The following CCNF variants were observed in gnomAD, a reference collection of about 807,000 sequenced individuals.
CCNF encodes cyclin-F.
Under a neutral mutation model 85.4 loss-of-function variants are expected in CCNF, and 30 were observed. The ratio of observed to expected loss-of-function variants is 0.35; its 90% CI spans 0.26 to 0.48. The LOEUF is 0.48. Ranked by LOEUF, CCNF falls within the 20% of genes least tolerant of loss-of-function variation. CCNF has a pLI of 0.99. For missense variants in CCNF, 919 were observed against 1,010.4 expected (o/e 0.91, Z 1.23); for synonymous variants, 439 against 425.1 (o/e 1.03, Z -0.40).
At chr16:2,449,179 G>C in intron 11 of CCNF, 103 bp from the exon 12 acceptor site, 2 of 1,482,682 alleles carry the variant, frequency 1.3e-6, no homozygotes, top group Non-Finnish European at 1.9e-6. Context: ...TGCAGCATCG[G>C]CGTGAACATC....
intron 9 of CCNF, 40 bp downstream of exon 9, chr16:2,443,840 G>A (rs921250835): frequency 2.5e-5 from 40 of 1,588,574 alleles, no homozygotes; most frequent in South Asian, 1.1e-4. Flanking sequence ...AGAGCGGCGC[G>A]GAAGCCAGCC....
At position 2,435,021 on chromosome 16, in the gene CCNF, G is replaced by A. The variant is rs969973160; in HGVS notation, c.279-785G>A. ...TGTAATCCCAGCACTTTGGGAGGCC[G>A]AGGCGGGTGGATCATGAGATCAGAT... On this transcript the variant is annotated intron_variant, in intron 3 of 16. Transcript: ENST00000397066. 7.9e-5 allele frequency among the ~76,000 whole-genome samples: 12 copies of A among 152,030 alleles called. No homozygotes were observed. In the East Asian group the frequency reaches 1.9e-3, roughly 25 times the overall value.
At chr16:2,441,937 T>TTTTATATA (rs1491412622) in intron 8 of CCNF, among the ~76,000 whole-genome samples, 1 of 60,164 alleles carries the variant, frequency 1.7e-5, no homozygotes, top group Non-Finnish European at 2.8e-5. Context: ...TATTAGCAAA[T>TTTTATATA]TATATATATA....
Position 2,453,164 on chromosome 16 carries a change from G to A in CCNF, c.1488-46G>A. On this transcript the variant is annotated intron_variant, in intron 13 of 16. Coordinates refer to ENST00000397066, the MANE Select transcript of CCNF (RefSeq NM_001761.3). The surrounding 1 kb of genome is among the most constrained non-coding windows in gnomAD (Gnocchi z 5.6). ...CTTCAGTGAACTGAAGCTAAAAATG[G>A]GGTGGGGGTGCCTCACATGTCCACT... is the stretch of plus-strand genomic sequence containing the variant. 1 of 1,525,404 alleles carries A rather than the reference G, an allele frequency of 6.6e-7. No homozygotes were observed. Among genetic ancestry groups the A allele is most frequent in the Non-Finnish European group, 9.1e-7 (1 of 1,099,932 alleles). 94.5% of individuals were successfully genotyped at this position (1,525,404 alleles called of 1,614,324 possible). A position where few individuals can be genotyped will look rare whatever the true frequency, so the allele number is the denominator to read the frequency against.
intron 8 of CCNF, 144 bp downstream of exon 8, chr16:2,439,970 G>T: frequency 1.4e-6 from 1 of 690,962 alleles, no homozygotes; most frequent in Non-Finnish European, 2.6e-6. Context: ...CCCTAAGATC[G>T]GTTCAGCACT....
At chr16:2,439,849 C>T (rs764282881) in intron 8 of CCNF, 23 bp downstream of exon 8, 87 of 1,602,916 alleles carry the variant, frequency 5.4e-5, no homozygotes, top group Non-Finnish European at 6.8e-5. Context: ...GCTGGGATGA[C>T]GTGGGGAGCT....
intron 6 of CCNF, among the ~76,000 whole-genome samples, chr16:2,438,765 G>C (rs1253994131): frequency 1.3e-5 from 2 of 151,878 alleles, no homozygotes; most frequent in Non-Finnish European, 2.9e-5. Flanking sequence ...GGGAGGCCGA[G>C]GCGGGTGGAT....
chr16:2,436,831 G>C (rs926083083), intron 4 of CCNF: 21 of 244,680 alleles, frequency 8.6e-5, no homozygotes, highest in Middle Eastern at 1.2e-3. Context: ...TTCCCAGCTG[G>C]AGGGAGGGTG....
In CCNF at chr16:2,456,918, A is replaced by G. The variant is rs778090367; in HGVS notation, c.2259A>G (p.Pro753=). Residue 753 remains proline (P), a synonymous_variant, in exon 17 of 17, where the codon CCA becomes CCG. Transcript: ENST00000397066. This position sits in a 1 kb window ranked among gnomAD's most constrained non-coding sequence, Gnocchi z 4.5. The stretch of plus-strand genomic sequence containing the variant: ...AGTCATGTTTACAGTGTCGTCCCCC[A>G]AGTCCCCCGGAGAGCAGTGTTCCCC... ...ARKSCLQCRP[P]SPPESSVPQQ... 6 of 1,613,962 alleles carry G rather than the reference A, an allele frequency of 3.7e-6. No individual in the cohort carries two copies. Among genetic ancestry groups the G allele is most frequent in the African/African-American group, 1.3e-5 (1 of 74,896 alleles).
In CCNF at chr16:2,453,076, C is replaced by A; in HGVS notation, c.1488-134C>A. On this transcript the variant is annotated intron_variant, in intron 13 of 16. Coordinates refer to ENST00000397066, the MANE Select transcript of CCNF (RefSeq NM_001761.3). The surrounding 1 kb of genome is among the most constrained non-coding windows in gnomAD (Gnocchi z 5.6). ...AGGTCCTGTGGTGACTGAGTTTAAC[C>A]ATTCGGGGAACTGCCAGGTCAGATT... 1.4e-6 allele frequency: 1 copy of A among 736,142 alleles called. No individual in the cohort carries two copies. Among genetic ancestry groups the A allele is most frequent in the South Asian group, 1.6e-5 (1 of 61,940 alleles). 45.6% of individuals were successfully genotyped at this position (736,142 alleles called of 1,614,324 possible). A position where few individuals can be genotyped will look rare whatever the true frequency, so the allele number is the denominator to read the frequency against.
intron 6 of CCNF, 105 bp downstream of exon 6, chr16:2,438,228 A>C: frequency 1.1e-6 from 1 of 882,956 alleles, no homozygotes; most frequent in Non-Finnish European, 1.9e-6. Flanking sequence ...GCCCAAAACA[A>C]AAGGCAAGCC....
At chr16:2,440,684 T>A (rs1044151830) in intron 8 of CCNF, among the ~76,000 whole-genome samples, 4 of 152,150 alleles carry the variant, frequency 2.6e-5, no homozygotes, top group African/African-American at 9.7e-5. Context: ...ACCAAGTGGG[T>A]GGCAGAGTGA....
At chr16:2,439,693 T>C (rs2065310925) in intron 7 of CCNF, 56 bp from the exon 8 acceptor site, 1 of 1,464,960 alleles carries the variant, frequency 6.8e-7, no homozygotes. Flanking sequence ...GGGTCTTGGT[T>C]CTGAGTTCCT....
chr16:2,438,058 C>CT lies in CCNF; in HGVS notation c.541-5dup, dbSNP rs1406361014. 1.1e-5 allele frequency: 18 copies of CT among 1,602,754 alleles called. No individual in the cohort carries two copies. The highest frequency in any genetic ancestry group is 1.5e-5 in the Non-Finnish European group (18 of 1,169,810). On this transcript the variant is annotated splice_polypyrimidine_tract_variant and intron_variant, in intron 5 of 16. Transcript: ENST00000397066. ...GTGCTGGAAATCACACTTCTTTCTC[C>CT]TTTTTTTAAAGACTCACAAAGCATC... is the stretch of plus-strand genomic sequence containing the variant.
chr16:2,431,600 A>C lies in CCNF; in HGVS notation c.171+316A>C, dbSNP rs150266909. 3.1e-3 allele frequency among the ~76,000 whole-genome samples: 457 copies of C among 149,162 alleles called. 4 individuals are homozygous for C. The highest frequency in any genetic ancestry group is 0.01 in the African/African-American group (414 of 40,402). Reference sequence around the variant, plus strand: ...GAGGCTGAGGCGGGAAAATTGCTTGAACCTGGGAGGCAGAGCTTGCAGTGA... The same window carrying C: ...GAGGCTGAGGCGGGAAAATTGCTTGCACCTGGGAGGCAGAGCTTGCAGTGA... On this transcript the variant is annotated intron_variant, in intron 2 of 16. Coordinates refer to ENST00000397066, the MANE Select transcript of CCNF (RefSeq NM_001761.3).
rs745887382 is a variant in CCNF, at chr16:2,456,730, C to T, written c.2071C>T (p.Arg691Trp). The T allele has an allele frequency of 5.6e-6, 9 of 1,612,322 alleles. No homozygotes were observed. The highest frequency in any genetic ancestry group is 2.2e-5 in the South Asian group (2 of 90,912). The change falls in exon 17 of 17, where the codon CGG becomes TGG. Residue 691 changes from arginine to tryptophan, a missense_variant. By Grantham distance (101) the Arg-to-Trp change is moderately radical (BLOSUM62 -3). This residue lies in a region of CCNF where 505 missense variants were observed against 514.8 expected (regional missense o/e 0.98). Coordinates refer to ENST00000397066, the MANE Select transcript of CCNF (RefSeq NM_001761.3). This position sits in a 1 kb window ranked among gnomAD's most constrained non-coding sequence, Gnocchi z 4.5. ...ACCCAAACCCCTGGTCCGCACCAGC[C>T]GGGAGCCAGGGAAGGACGTCACGAC... ...PGPKPLVRTS[R>W]EPGKDVTTSG...
rs1181508290 is a variant in CCNF, at chr16:2,449,940, C to T, written c.1487+25C>T. ...GGTGAGTTTTGGCCGGGCGCAGAGGCTCATGCCTGTAACCCCAGCACTTTG... is the reference window on the plus strand; with the variant it reads ...GGTGAGTTTTGGCCGGGCGCAGAGGTTCATGCCTGTAACCCCAGCACTTTG... On this transcript the variant is annotated intron_variant, in intron 13 of 16. Transcript: ENST00000397066. The T allele has an allele frequency of 2.0e-6, 3 of 1,530,320 alleles. No homozygotes were observed. The South Asian group carries it at 3.4e-5, about 17-fold the overall frequency. The allele number at this position is 1,530,320 out of a possible 1,614,324, so 94.8% of individuals were successfully genotyped here.
At position 2,443,511 on chromosome 16, in the gene CCNF, C is replaced by T. The variant is rs1436751349; in HGVS notation, c.778-138C>T. On this transcript the variant is annotated intron_variant, in intron 8 of 16. Transcript: ENST00000397066. Reference sequence around the variant, plus strand: ...AATTAAAACCTGAGCCATCCTTGTTCCCGAAGCTTGTGAAGGTTTAAGTTA... The same window carrying T: ...AATTAAAACCTGAGCCATCCTTGTTTCCGAAGCTTGTGAAGGTTTAAGTTA... 12 of 684,834 alleles carry T rather than the reference C, an allele frequency of 1.8e-5. No individual in the cohort carries two copies. In the African/African-American group the frequency reaches 2.0e-4, roughly 11 times the overall value. The allele number at this position is 684,834 out of a possible 1,614,324, so 42.4% of individuals were successfully genotyped here.
chr16:2,451,643 C>T lies in CCNF; in HGVS notation c.1488-1567C>T, dbSNP rs2065395784. On this transcript the variant is annotated intron_variant, in intron 13 of 16. Coordinates refer to ENST00000397066, the MANE Select transcript of CCNF (RefSeq NM_001761.3). The surrounding 1 kb of genome is among the most constrained non-coding windows in gnomAD (Gnocchi z 4.3). ...CTAGCTCACTGCAGCCCTGACCTCC[C>T]GGGCTCAAGGGATTCTTTTGTGTCA... Among the ~76,000 whole-genome samples the T allele has an allele frequency of 6.6e-6, 1 of 152,164 alleles. No individual in the cohort carries two copies. Among genetic ancestry groups the T allele is most frequent in the Admixed American group, 6.5e-5 (1 of 15,278 alleles).
Sources: gnomAD v4.1 joint callset for allele counts (sites outside exome capture counted in the v4.1 genomes callset) on GRCh38, gnomAD v4.1.1 for gene constraint, gnomAD v4.1.1 regional missense constraint, Gnocchi (gnomAD v3.1) non-coding constraint, MANE v1.5 for transcripts, NCBI Gene and HGNC (gene_info 2026-07-23, HGNC 2026-07-21) for gene names.